Variants in VTA1 observed in about 807,000 individuals in gnomAD.
The protein encoded by VTA1 is vacuolar protein sorting-associated protein VTA1 homolog.
Under a neutral mutation model 36.9 loss-of-function variants are expected in VTA1, and 24 were observed. That is an observed-to-expected ratio of 0.65 (90% CI 0.47 to 0.91). VTA1 has a LOEUF of 0.91. Among genes scored for constraint, VTA1 ranks in the 40% least tolerant of loss-of-function variants. VTA1 has a pLI of 0.00. For missense variants in VTA1, 393 were observed against 377.2 expected, an observed-to-expected ratio of 1.04 and a Z score of -0.35; for synonymous variants, 142 against 130.2, an observed-to-expected ratio of 1.09 and a Z score of -0.62.
rs758277438 is a variant in VTA1 at position 142,166,280 on chromosome 6, A to G, written c.165A>G (p.Glu55=). 7 of 1,612,636 alleles carry G rather than the reference A, an allele frequency of 4.3e-6. No individual in the cohort carries two copies. In the Admixed American group the frequency reaches 5.0e-5, roughly 12 times the overall value. ...TGMKIDSKTP[E]CRKFLSKLMD... is the part of the protein sequence containing the mutation. ...TGAAGATCGATAGTAAAACTCCTGA[A>G]TGTCGCAAATTTTTATCAAAGTTAA... is the stretch of plus-strand genomic sequence containing the variant. The change falls in exon 2 of 8, where the codon GAA becomes GAG. Residue 55 remains glutamate, a synonymous_variant. Transcript: ENST00000367630.
At position 142,169,602 on chromosome 6, in the gene VTA1, G is replaced by C. The variant is rs775834722; in HGVS notation, c.260G>C (p.Cys87Ser). The C allele has an allele frequency of 6.2e-7, 1 of 1,609,418 alleles. No individual in the cohort carries two copies. Among genetic ancestry groups the C allele is most frequent in the Non-Finnish European group, 8.5e-7 (1 of 1,178,680 alleles). ...NEAITQEIVG[C>S]AHLENYALKM... ...GCTATTACTCAAGAAATAGTGGGCT[G>C]TGCCCATTTGGAGAATTATGCTTTG... is the stretch of plus-strand genomic sequence containing the variant. Residue 87 changes from cysteine to serine, a missense_variant, in exon 3 of 8, where the codon TGT becomes TCT. Coordinates refer to ENST00000367630, the MANE Select transcript of VTA1 (RefSeq NM_016485.5).
intron 7 of VTA1, among the ~76,000 whole-genome samples, chr6:142,205,834 GATATT>G (rs906358244): frequency 6.6e-6 from 1 of 152,058 alleles, no homozygotes; most frequent in Non-Finnish European, 1.5e-5. Context: ...ATCTAATTTT[GATATT>G]ATACAAGAAA....
At chr6:142,160,733 A>T (rs1297914454) in intron 1 of VTA1, among the ~76,000 whole-genome samples, 2 of 152,062 alleles carry the variant, frequency 1.3e-5, no homozygotes, top group Admixed American at 1.3e-4. Flanking sequence ...TATTTTGTTC[A>T]GATTTTTTCT....
chr6:142,175,625 C>T (rs1449098617), intron 4 of VTA1, among the ~76,000 whole-genome samples: 1 of 151,998 alleles, frequency 6.6e-6, no homozygotes, highest in Non-Finnish European at 1.5e-5. Context: ...TTAGTTTCTG[C>T]TTGAAAAGTT....
At chr6:142,182,523 G>A (rs183939532) in intron 4 of VTA1, among the ~76,000 whole-genome samples, 2 of 151,940 alleles carry the variant, frequency 1.3e-5, no homozygotes, top group Admixed American at 1.3e-4. Flanking sequence ...GACATGTTGA[G>A]TAGTGGTTGG....
intron 3 of VTA1, 118 bp from the exon 4 acceptor site, chr6:142,170,228 A>C: frequency 1.4e-6 from 1 of 705,590 alleles, no homozygotes; most frequent in Non-Finnish European, 2.4e-6. Context: ...TTTTATTTAA[A>C]ACATGAATTT....
intron 4 of VTA1, among the ~76,000 whole-genome samples, chr6:142,186,972 A>G (rs1349066502): frequency 1.3e-5 from 2 of 152,210 alleles, no homozygotes; most frequent in Admixed American, 6.5e-5. Context: ...ATGAATGAAC[A>G]TACATTATCT....
chr6:142,168,138 G>A (rs1397564350), intron 2 of VTA1, among the ~76,000 whole-genome samples: 1 of 152,142 alleles, frequency 6.6e-6, no homozygotes. Flanking sequence ...TTATGTTTTT[G>A]CTGTCAGGTA....
chr6:142,153,487 C>G (rs1272286716), intron 1 of VTA1, among the ~76,000 whole-genome samples: 1 of 151,718 alleles, frequency 6.6e-6, no homozygotes, highest in African/African-American at 2.4e-5. Flanking sequence ...CACCTTGTGC[C>G]CTATCCTTTC....
At chr6:142,181,480 T>G (rs1224244556) in intron 4 of VTA1, among the ~76,000 whole-genome samples, 2 of 148,902 alleles carry the variant, frequency 1.3e-5, no homozygotes, top group Non-Finnish European at 3.0e-5. Context: ...TATATGTATA[T>G]GTACTTTTTA....
rs72442499 is a variant in VTA1 at position 142,195,595 on chromosome 6, CTTTTT to C, written c.521-2828_521-2824del. 5.8e-4 allele frequency among the ~76,000 whole-genome samples: 41 copies of C among 70,694 alleles called. 1 individual carries two copies. Among genetic ancestry groups the C allele is most frequent in the African/African-American group, 2.5e-4 (5 of 19,866 alleles). The allele number at this position is 70,694 out of a possible 152,430, so 46.4% of individuals were successfully genotyped here. A position where few individuals can be genotyped will look rare whatever the true frequency, so the allele number is the denominator to read the frequency against. On this transcript the variant is annotated intron_variant, in intron 5 of 7. Coordinates refer to ENST00000367630, the MANE Select transcript of VTA1 (RefSeq NM_016485.5). ...TGCACCACACTTGGAGTTTAATTTGCTTTTTTTTTTTTTTTTTTTTAGCTTCTTAG... is the reference window on the plus strand; with the variant it reads ...TGCACCACACTTGGAGTTTAATTTGCTTTTTTTTTTTTTTTAGCTTCTTAG...
intron 1 of VTA1, among the ~76,000 whole-genome samples, chr6:142,161,055 G>C (rs1774795228): frequency 1.4e-5 from 2 of 147,182 alleles, no homozygotes; most frequent in Admixed American, 1.4e-4. Flanking sequence ...TTATTAGCAG[G>C]CATTCATTCA....
At chr6:142,213,832 A>T (rs1005337188) in intron 7 of VTA1, among the ~76,000 whole-genome samples, 7 of 152,012 alleles carry the variant, frequency 4.6e-5, no homozygotes, top group African/African-American at 1.4e-4. Flanking sequence ...GGCTCATGGA[A>T]CCATTTTTTC....
At chr6:142,147,439 T>G in intron 1 of VTA1, 40 bp downstream of exon 1, 1 of 1,585,544 alleles carries the variant, frequency 6.3e-7, no homozygotes, top group Non-Finnish European at 8.6e-7. Context: ...CTTTCCCAGT[T>G]GCATTTTAGG....
intron 6 of VTA1, among the ~76,000 whole-genome samples, chr6:142,202,274 T>C (rs1775702797): frequency 6.6e-6 from 1 of 151,946 alleles, no homozygotes. Context: ...AAGCAAAAAA[T>C]AGTCATTGAA....
chr6:142,174,330 A>G (rs529254767), intron 4 of VTA1, among the ~76,000 whole-genome samples: 5 of 152,308 alleles, frequency 3.3e-5, no homozygotes, highest in African/African-American at 9.6e-5. Flanking sequence ...TCTGAAGTTT[A>G]ATGTCTACTA....
At chr6:142,190,809 G>A (rs1402162439) in intron 5 of VTA1, among the ~76,000 whole-genome samples, 2 of 152,170 alleles carry the variant, frequency 1.3e-5, no homozygotes, top group African/African-American at 2.4e-5. Flanking sequence ...GTTTAGCTCT[G>A]CTGTTGTAGT....
intron 2 of VTA1, among the ~76,000 whole-genome samples, chr6:142,166,992 C>A (rs1774929410): frequency 6.6e-6 from 1 of 152,072 alleles, no homozygotes. Flanking sequence ...CTTAATATTT[C>A]TTATAATAAT....
intron 5 of VTA1, 143 bp from the exon 6 acceptor site, chr6:142,198,296 T>C: frequency 1.5e-6 from 1 of 645,544 alleles, no homozygotes; most frequent in Non-Finnish European, 2.3e-6. Context: ...AAATATTGTT[T>C]TAAGAATAGA....
Sources: allele counts gnomAD v4.1 joint callset (sites outside exome capture counted in the v4.1 genomes callset), GRCh38; gene constraint gnomAD v4.1.1; transcripts MANE v1.5; gene names NCBI Gene and HGNC (gene_info 2026-07-23, HGNC 2026-07-21).